The following NID1 variants were observed in gnomAD, a reference collection of about 807,000 sequenced individuals.
NID1 encodes nidogen 1, also known as nidogen-1.
Under a neutral mutation model 130.6 loss-of-function variants are expected in NID1, and 76 were observed. The ratio of observed to expected loss-of-function variants is 0.58; its 90% CI spans 0.48 to 0.70. The LOEUF is 0.70. Among genes scored for constraint, NID1 ranks in the 30% least tolerant of loss-of-function variants. NID1 has a pLI of 0.00. For missense variants in NID1, 1,517 were observed against 1,664.8 expected (o/e 0.91, Z 1.54); for synonymous variants, 665 against 675.1 (o/e 0.98, Z 0.23).
intron 4 of NID1, among the ~76,000 whole-genome samples, chr1:236,039,139 T>C (rs1330448996): frequency 6.9e-6 from 1 of 143,900 alleles, no homozygotes; most frequent in Non-Finnish European, 1.5e-5. Context: ...AAATACAATA[T>C]ATTACATTAT....
intron 4 of NID1, among the ~76,000 whole-genome samples, chr1:236,041,213 G>A (rs1322228595): frequency 5.3e-5 from 8 of 152,040 alleles, no homozygotes; most frequent in African/African-American, 1.7e-4. Context: ...GACTACAGGC[G>A]TGTGTCACCA....
chr1:236,047,155 G>T (rs769427216), intron 2 of NID1, among the ~76,000 whole-genome samples: 1 of 152,136 alleles, frequency 6.6e-6, no homozygotes, highest in Non-Finnish European at 1.5e-5. Flanking sequence ...TATTAGGCAA[G>T]TTGCAAGTTT....
At chr1:235,986,857 C>T (rs1657589327) in intron 14 of NID1, among the ~76,000 whole-genome samples, 1 of 152,216 alleles carries the variant, frequency 6.6e-6, no homozygotes, top group African/African-American at 2.4e-5. Flanking sequence ...CATCCCATGC[C>T]TATCAACTTC....
At position 236,004,778 on chromosome 1, in the gene NID1, A is replaced by AAC. The variant is rs1298169455; in HGVS notation, c.2527+7142_2527+7143insGT. Among the ~76,000 whole-genome samples the AAC allele has an allele frequency of 5.3e-5, 8 of 151,426 alleles. No individual in the cohort carries two copies. The East Asian group carries it at 1.4e-3, about 26-fold the overall frequency. Reference sequence around the variant, plus strand: ...CTCTGTCTCAAAAAAAAAAAAAAAAAAAAAGTTAAAAACTAAAGGGGCTAG... The same window carrying AAC: ...CTCTGTCTCAAAAAAAAAAAAAAAAAACAAAAGTTAAAAACTAAAGGGGCTAG... On this transcript the variant is annotated intron_variant, in intron 12 of 19. Coordinates refer to ENST00000264187, the MANE Select transcript of NID1 (RefSeq NM_002508.3).
chr1:236,054,430 T>C lies in NID1; in HGVS notation c.226-5441A>G, dbSNP rs544618447. Among the ~76,000 whole-genome samples the C allele has an allele frequency of 5.6e-4, 85 of 152,200 alleles. No homozygotes were observed. The South Asian group carries it at 6.0e-3, about 11-fold the overall frequency. On this transcript the variant is annotated intron_variant, in intron 1 of 19. Coordinates refer to ENST00000264187, the MANE Select transcript of NID1 (RefSeq NM_002508.3). ...GAGACTGCGTCATTGCACTCCATACTGGGCTACAAGAGCAAAACTCCATCT... is the reference window on the plus strand; with the variant it reads ...GAGACTGCGTCATTGCACTCCATACCGGGCTACAAGAGCAAAACTCCATCT...
At chr1:235,985,256 C>T in intron 15 of NID1, 123 bp downstream of exon 15, 1 of 1,011,348 alleles carries the variant, frequency 9.9e-7, no homozygotes, top group South Asian at 1.5e-5. Flanking sequence ...CGTAGTAATG[C>T]AACAAAAGAC....
At chr1:235,980,677 A>C in intron 16 of NID1, 24 bp from the exon 17 acceptor site, 1 of 1,608,312 alleles carries the variant, frequency 6.2e-7, no homozygotes, top group Non-Finnish European at 8.5e-7. Context: ...AAGGGGGGAA[A>C]GAGGAAAAGA....
chr1:236,051,223 G>A (rs549775459), intron 1 of NID1, among the ~76,000 whole-genome samples: 15 of 152,166 alleles, frequency 9.9e-5, no homozygotes, highest in African/African-American at 3.6e-4. Flanking sequence ...TAGAAGGCCA[G>A]TGGATTTTCC....
intron 6 of NID1, among the ~76,000 whole-genome samples, chr1:236,030,628 G>A (rs968310298): frequency 2.6e-5 from 4 of 152,132 alleles, no homozygotes; most frequent in Non-Finnish European, 5.9e-5. Flanking sequence ...TTGAGCCGTC[G>A]CAACAGAGAC....
chr1:236,018,956 C>T (rs1206601297), intron 9 of NID1, among the ~76,000 whole-genome samples: 3 of 152,132 alleles, frequency 2.0e-5, no homozygotes, highest in Admixed American at 1.3e-4. Context: ...GCCTATTGGT[C>T]AACATTGCAC....
intron 1 of NID1, among the ~76,000 whole-genome samples, chr1:236,060,474 C>T (rs1660009293): frequency 6.6e-6 from 1 of 152,136 alleles, no homozygotes; most frequent in South Asian, 2.1e-4. Context: ...GAATGCAGTC[C>T]AGTAGGTCTC....
chr1:235,985,311 T>C (rs1572576763), intron 15 of NID1, 68 bp downstream of exon 15: 1 of 1,565,016 alleles, frequency 6.4e-7, no homozygotes, highest in Non-Finnish European at 8.8e-7. Context: ...TGTTCTTCTC[T>C]GGCATACATG....
chr1:236,038,103 C>T lies in NID1; in HGVS notation c.1285+1G>A. ...GAAACGAACATAGAAAAGCAAATTA[C>T]CTTCTGCAACACATTGCCTGCCATT... On this transcript the variant is annotated splice_donor_variant, in intron 5 of 19. Coordinates refer to ENST00000264187, the MANE Select transcript of NID1 (RefSeq NM_002508.3). LOFTEE classifies it high-confidence loss of function. 2 of 1,591,914 alleles carry T rather than the reference C, an allele frequency of 1.3e-6. No individual in the cohort carries two copies. Among genetic ancestry groups the T allele is most frequent in the Non-Finnish European group, 1.7e-6 (2 of 1,163,818 alleles).
chr1:236,012,261 T>C (rs1658449644), intron 11 of NID1, among the ~76,000 whole-genome samples: 1 of 152,182 alleles, frequency 6.6e-6, no homozygotes, highest in Non-Finnish European at 1.5e-5. Flanking sequence ...AATGTTTTCA[T>C]GAAAAATGTT....
chr1:236,026,346 T>C (rs540138837), intron 7 of NID1, among the ~76,000 whole-genome samples: 1 of 152,342 alleles, frequency 6.6e-6, no homozygotes, highest in African/African-American at 2.4e-5. Flanking sequence ...GGATTCCCCA[T>C]ATGATCATTG....
chr1:236,047,274 A>T (rs1333455022), intron 2 of NID1, among the ~76,000 whole-genome samples: 3 of 152,136 alleles, frequency 2.0e-5, no homozygotes, highest in Non-Finnish European at 4.4e-5. Flanking sequence ...ATCTTGTAGG[A>T]CTGGTGTTTT....
chr1:236,001,713 G>A (rs1205063677), intron 12 of NID1, among the ~76,000 whole-genome samples: 2 of 152,196 alleles, frequency 1.3e-5, no homozygotes, highest in African/African-American at 4.8e-5. Context: ...CCAGGGAGGG[G>A]CACTGAACTC....
At chr1:236,007,302 T>A (rs1658278163) in intron 12 of NID1, among the ~76,000 whole-genome samples, 1 of 152,196 alleles carries the variant, frequency 6.6e-6, no homozygotes, top group African/African-American at 2.4e-5. Context: ...ATTTAATGCC[T>A]CTCTTTGATC....
chr1:236,020,568 A>G (rs1378454432), intron 9 of NID1, among the ~76,000 whole-genome samples: 1 of 152,162 alleles, frequency 6.6e-6, no homozygotes, highest in Non-Finnish European at 1.5e-5. Context: ...GTGGAGAGTC[A>G]CTGTGCGACG....
Sources: allele counts gnomAD v4.1 joint callset (sites outside exome capture counted in the v4.1 genomes callset), GRCh38; gene constraint gnomAD v4.1.1; transcripts MANE v1.5; gene names NCBI Gene and HGNC (gene_info 2026-07-23, HGNC 2026-07-21).